Variants in SRARP observed in about 807,000 individuals in gnomAD.
SRARP encodes the protein steroid receptor associated and regulated protein.
SRARP carries 5 observed loss-of-function variants against 3.6 expected under a neutral mutation model. That is an observed-to-expected ratio of 1.39 (90% CI 0.73 to 2.93). SRARP has a LOEUF of 2.93. SRARP is among the 30% of genes most tolerant of loss of function. SRARP has a pLI of 0.00. For synonymous variants in SRARP, 96 were observed against 91.6 expected (o/e 1.05, Z -0.27); for missense variants, 215 against 216.7 (o/e 0.99, Z 0.05).
At position 16,006,751 on chromosome 1, in the gene SRARP, G is replaced by T; in HGVS notation, c.*405G>T. ...CTAGAGGGAGAGTGATTGGGGTGAA[G>T]ACCTTTCCTGATGCAGTGCTTGGTA... On this transcript the variant is annotated 3_prime_UTR_variant, in exon 2 of 2. Transcript: ENST00000329454. The T allele has an allele frequency of 5.9e-6, 1 of 169,444 alleles. No homozygotes were observed. The highest frequency in any genetic ancestry group is 1.3e-5 in the Non-Finnish European group (1 of 78,292). 10.5% of individuals were successfully genotyped at this position (169,444 alleles called of 1,614,324 possible). A position where few individuals can be genotyped will look rare whatever the true frequency, so the allele number is the denominator to read the frequency against.
rs986534738 is a variant in SRARP, at chr1:16,006,481, C to G, written c.*135C>G. On this transcript the variant is annotated 3_prime_UTR_variant, in exon 2 of 2. Transcript: ENST00000329454. ...TCCGCTAAGGGGCATCTGAAACATC[C>G]GTCGAGTGGCAGAGGCAGGATAAGT... 1 of 998,586 alleles carries G rather than the reference C, an allele frequency of 1.0e-6. No homozygotes were observed. The allele number at this position is 998,586 out of a possible 1,614,324, so 61.9% of individuals were successfully genotyped here.
intron 1 of SRARP, 109 bp from the exon 2 acceptor site, chr1:16,005,810 G>A (rs1333414900): frequency 8.1e-6 from 9 of 1,117,338 alleles, no homozygotes; most frequent in Non-Finnish European, 1.2e-5. Flanking sequence ...TGAGGCTGAG[G>A]CTGCAGTGAG....
rs1269519865 is a variant in SRARP, at chr1:16,004,307, G to T, written c.4G>T (p.Ala2Ser). 6.2e-7 allele frequency: 1 copy of T among 1,600,988 alleles called. No homozygotes were observed. The highest frequency in any genetic ancestry group is 8.5e-7 in the Non-Finnish European group (1 of 1,174,360). The change falls in exon 1 of 2, where the codon GCC (alanine) becomes TCC (serine). Residue 2 changes from alanine to serine, a missense_variant. Transcript: ENST00000329454. M[A>S]PSEDPRDWRA... Reference sequence around the variant, plus strand: ...AGGCAGGCGCCGAAGTAGCCGCATGGCCCCGTCAGAAGACCCCAGGGACTG... The same window carrying T: ...AGGCAGGCGCCGAAGTAGCCGCATGTCCCCGTCAGAAGACCCCAGGGACTG...
In SRARP at chr1:16,006,592, G is replaced by A. The variant is rs759217613; in HGVS notation, c.*246G>A. On this transcript the variant is annotated 3_prime_UTR_variant, in exon 2 of 2. Transcript: ENST00000329454. ...ATGCCAGGCCCTGCAAAGTGCTGGG[G>A]AGATACCATGGTTTTCCTGGAGCTG... The A allele has an allele frequency of 4.5e-6, 2 of 446,646 alleles. No homozygotes were observed. The highest frequency in any genetic ancestry group is 7.8e-6 in the Non-Finnish European group (2 of 256,422). 27.7% of individuals were successfully genotyped at this position (446,646 alleles called of 1,614,324 possible).
Position 16,006,566 on chromosome 1 carries a change from C to CAT in SRARP, c.*221_*222dup. The stretch of plus-strand genomic sequence containing the variant: ...GCAAATATTACTGGTACATCTTCCA[C>CAT]ATGCCAGGCCCTGCAAAGTGCTGGG... On this transcript the variant is annotated 3_prime_UTR_variant, in exon 2 of 2. Coordinates refer to ENST00000329454, the MANE Select transcript of SRARP (RefSeq NM_178840.4). 1 of 547,224 alleles carries CAT rather than the reference C, an allele frequency of 1.8e-6. No individual in the cohort carries two copies. The allele number at this position is 547,224 out of a possible 1,614,324, so 33.9% of individuals were successfully genotyped here. A position where few individuals can be genotyped will look rare whatever the true frequency, so the allele number is the denominator to read the frequency against.
At chr1:16,005,853 C>A (rs957585317) in intron 1 of SRARP, 66 bp from the exon 2 acceptor site, 16 of 1,435,976 alleles carry the variant, frequency 1.1e-5, no homozygotes, top group Admixed American at 2.2e-5. Context: ...CAGAGTGAGA[C>A]CCTGTCTCAG....
Position 16,004,246 on chromosome 1 carries a change from A to G in SRARP, c.-58A>G. Reference sequence around the variant, plus strand: ...CGCAGTGGGGGAGCCACATCCTGGAAGAGTGGCCTAGGACAGCTCCTCTCC... The same window carrying G: ...CGCAGTGGGGGAGCCACATCCTGGAGGAGTGGCCTAGGACAGCTCCTCTCC... On this transcript the variant is annotated 5_prime_UTR_variant, in exon 1 of 2. Coordinates refer to ENST00000329454, the MANE Select transcript of SRARP (RefSeq NM_178840.4). The G allele has an allele frequency of 7.0e-7, 1 of 1,422,960 alleles. No homozygotes were observed. Among genetic ancestry groups the G allele is most frequent in the Non-Finnish European group, 9.7e-7 (1 of 1,032,296 alleles). The allele number at this position is 1,422,960 out of a possible 1,614,324, so 88.1% of individuals were successfully genotyped here.
intron 1 of SRARP, among the ~76,000 whole-genome samples, chr1:16,005,604 T>G (rs1450819655): frequency 6.6e-6 from 1 of 152,236 alleles, no homozygotes; most frequent in Non-Finnish European, 1.5e-5. Flanking sequence ...TCGGGTGCAG[T>G]GGCTCACGCC....
rs753806617 is a variant in SRARP at position 16,006,008 on chromosome 1, G to C, written c.172G>C (p.Ala58Pro). 3.7e-6 allele frequency: 6 copies of C among 1,613,832 alleles called. No homozygotes were observed. Among genetic ancestry groups the C allele is most frequent in the Middle Eastern group, 1.7e-4 (1 of 6,058 alleles). Residue 58 changes from alanine (A) to proline (P), a missense_variant, in exon 2 of 2, where the codon GCA (alanine) becomes CCA (proline). Ala to Pro is a conservative substitution (Grantham distance 27). Transcript: ENST00000329454. Reference sequence around the variant, plus strand: ...CACCCACGGGAAGCAGCTCTCCCTGGCAGCAACCGCATCACCACCCCAAGC... The same window carrying C: ...CACCCACGGGAAGCAGCTCTCCCTGCCAGCAACCGCATCACCACCCCAAGC... Reference protein sequence around the residue: ...DCTHGKQLSLAATASPPQAPS... With the variant: ...DCTHGKQLSLPATASPPQAPS...
rs2073139502 is a variant in SRARP, at chr1:16,008,004, G to T, written c.*1658G>T. On this transcript the variant is annotated 3_prime_UTR_variant, in exon 2 of 2. Transcript: ENST00000329454. Reference sequence around the variant, plus strand: ...AGGTATATACCCTCTCATCCTGGTAGCGTCTCTTCTAGGCAGAGGGGACAC... The same window carrying T: ...AGGTATATACCCTCTCATCCTGGTATCGTCTCTTCTAGGCAGAGGGGACAC... 1 of 152,218 alleles carries T rather than the reference G, an allele frequency of 6.6e-6. No homozygotes were observed. The highest frequency in any genetic ancestry group is 1.5e-5 in the Non-Finnish European group (1 of 68,050). 9.4% of individuals were successfully genotyped at this position (152,218 alleles called of 1,614,324 possible). A position where few individuals can be genotyped will look rare whatever the true frequency, so the allele number is the denominator to read the frequency against.
In SRARP at chr1:16,006,082, C is replaced by A; in HGVS notation, c.246C>A (p.Ile82=). ...TCACCCCACCAATGAAGACCTACAT[C>A]GTGTTCTGTGGGGAAAACTGGCCCC... The part of the protein sequence containing the change: ...GLVTPPMKTY[I]VFCGENWPHL... Residue 82 remains isoleucine (I), a synonymous_variant, in exon 2 of 2, where the codon ATC becomes ATA. Transcript: ENST00000329454. 6.2e-7 allele frequency: 1 copy of A among 1,613,962 alleles called. No homozygotes were observed.
rs768573399 is a variant in SRARP at position 16,006,226 on chromosome 1, G to T, written c.390G>T (p.Gln130His). ...ASFPVSPLCP[Q>H]EVPEAKGKPV... ...TCCCAGTCAGCCCGCTCTGCCCCCA[G>T]GAGGTTCCCGAGGCTAAGGGGAAAC... The change falls in exon 2 of 2, where the codon CAG becomes CAT. Residue 130 changes from glutamine (Q) to histidine (H), a missense_variant. Physicochemically the swap from Gln to His is conservative, Grantham distance 24. Coordinates refer to ENST00000329454, the MANE Select transcript of SRARP (RefSeq NM_178840.4). 6.2e-7 allele frequency: 1 copy of T among 1,613,840 alleles called. No individual in the cohort carries two copies. Among genetic ancestry groups the T allele is most frequent in the Admixed American group, 1.7e-5 (1 of 60,028 alleles).
Position 16,006,334 on chromosome 1 carries a change from GC to G in SRARP, c.499del (p.Gln167ArgfsTer107). 1 of 1,593,496 alleles carries G rather than the reference GC, an allele frequency of 6.3e-7. No individual in the cohort carries two copies. Among genetic ancestry groups the G allele is most frequent in the Non-Finnish European group, 8.6e-7 (1 of 1,165,774 alleles). On this transcript the variant is annotated frameshift_variant, in exon 2 of 2. Coordinates refer to ENST00000329454, the MANE Select transcript of SRARP (RefSeq NM_178840.4). LOFTEE classifies it high-confidence loss of function. ...LKALSSCVCGQAD is the reference protein window; with the variant it reads ...LKALSSCVCGXAD ...AAGCCCTCTCCTCTTGTGTCTGTGGGCAGGCCGATTAGCTGGAAGGGCCGGG... is the reference window on the plus strand; with the variant it reads ...AAGCCCTCTCCTCTTGTGTCTGTGGGAGGCCGATTAGCTGGAAGGGCCGGG...
In SRARP at chr1:16,006,867, G is replaced by A. The variant is rs1365295011; in HGVS notation, c.*521G>A. ...TCCACCCTCCCCAGGGCCACCTGCTGTCATCTTACCCCAGGGCAGGCCAGA... is the reference window on the plus strand; with the variant it reads ...TCCACCCTCCCCAGGGCCACCTGCTATCATCTTACCCCAGGGCAGGCCAGA... On this transcript the variant is annotated 3_prime_UTR_variant, in exon 2 of 2. Coordinates refer to ENST00000329454, the MANE Select transcript of SRARP (RefSeq NM_178840.4). 6.4e-6 allele frequency: 1 copy of A among 155,432 alleles called. No individual in the cohort carries two copies. The highest frequency in any genetic ancestry group is 1.4e-5 in the Non-Finnish European group (1 of 70,004). 9.6% of individuals were successfully genotyped at this position (155,432 alleles called of 1,614,324 possible). A position where few individuals can be genotyped will look rare whatever the true frequency, so the allele number is the denominator to read the frequency against.
At position 16,006,274 on chromosome 1, in the gene SRARP, G is replaced by C. The variant is rs375365168; in HGVS notation, c.438G>C (p.Arg146Ser). ...AACCCGTGAAGGCTGCGCCTGTGAGGTCTTCAACTTGGGGAACAGTCAAGG... is the reference window on the plus strand; with the variant it reads ...AACCCGTGAAGGCTGCGCCTGTGAGCTCTTCAACTTGGGGAACAGTCAAGG... ...KGKPVKAAPV[R>S]SSTWGTVKDS... The change falls in exon 2 of 2, where the codon AGG becomes AGC. Residue 146 changes from arginine (R) to serine (S), a missense_variant. Transcript: ENST00000329454. 1.9e-6 allele frequency: 3 copies of C among 1,613,798 alleles called. No homozygotes were observed. Among genetic ancestry groups the C allele is most frequent in the Non-Finnish European group, 2.5e-6 (3 of 1,180,034 alleles).
chr1:16,004,372 G>C lies in SRARP; in HGVS notation c.69G>C (p.Leu23=). ...AAGGCACCATCCGTGAGACAGGCCT[G>C]GAGACCAGCTCCGGTAAGAGGCGGC... The part of the protein sequence containing the change: ...NLKGTIRETG[L]ETSSGGKLAG... The change falls in exon 1 of 2, where the codon CTG becomes CTC. Residue 23 remains leucine (L), a synonymous_variant. Coordinates refer to ENST00000329454, the MANE Select transcript of SRARP (RefSeq NM_178840.4). 2 of 1,606,904 alleles carry C rather than the reference G, an allele frequency of 1.2e-6. No homozygotes were observed. The highest frequency in any genetic ancestry group is 1.7e-6 in the Non-Finnish European group (2 of 1,176,930).
intron 1 of SRARP, 36 bp from the exon 2 acceptor site, chr1:16,005,883 G>A (rs1413981662): frequency 6.6e-7 from 1 of 1,503,924 alleles, no homozygotes; most frequent in African/African-American, 1.4e-5. Context: ...AAAGTCCCCT[G>A]CTTGTGCTAA....
intron 1 of SRARP, among the ~76,000 whole-genome samples, chr1:16,004,818 G>A (rs958230075): frequency 2.0e-5 from 3 of 152,022 alleles, no homozygotes; most frequent in Non-Finnish European, 4.4e-5. Context: ...CCAGCCAAGG[G>A]CGGGCTCGTT....
rs1299318044 is a variant in SRARP, at chr1:16,006,234, C to T, written c.398C>T (p.Pro133Leu). The T allele has an allele frequency of 6.2e-7, 1 of 1,613,622 alleles. No individual in the cohort carries two copies. Among genetic ancestry groups the T allele is most frequent in the South Asian group, 1.1e-5 (1 of 91,092 alleles). The change falls in exon 2 of 2, where the codon CCC (proline) becomes CTC (leucine). Residue 133 changes from proline to leucine, a missense_variant. Coordinates refer to ENST00000329454, the MANE Select transcript of SRARP (RefSeq NM_178840.4). ...PVSPLCPQEV[P>L]EAKGKPVKAA... ...AGCCCGCTCTGCCCCCAGGAGGTTC[C>T]CGAGGCTAAGGGGAAACCCGTGAAG...
Sources: gnomAD v4.1 joint callset for allele counts (sites outside exome capture counted in the v4.1 genomes callset) on GRCh38, gnomAD v4.1.1 for gene constraint, MANE v1.5 for transcripts, NCBI Gene and HGNC (gene_info 2026-07-23, HGNC 2026-07-21) for gene names.